The following SYNJ1 variants were observed in gnomAD, a reference collection of about 807,000 sequenced individuals.
The protein encoded by SYNJ1 is synaptojanin 1, also known as polyphosphatidylinositol phosphatase SYNJ1.
Under a neutral mutation model 168.2 loss-of-function variants are expected in SYNJ1, and 78 were observed. The ratio of observed to expected loss-of-function variants is 0.46; its 90% CI spans 0.39 to 0.56. The LOEUF (loss-of-function observed/expected upper bound fraction) is 0.56. Among genes scored for constraint, SYNJ1 ranks in the 20% least tolerant of loss-of-function variants. The pLI is 0.00. For synonymous variants in SYNJ1, 539 were observed against 548.6 expected (o/e 0.98, Z 0.24); for missense variants, 1,303 against 1,597.6 (o/e 0.82, Z 3.14).
rs915194231 is a variant in SYNJ1 at position 32,675,327 on chromosome 21, AAT to A, written c.1534+1003_1534+1004del. 1.3e-3 allele frequency among the ~76,000 whole-genome samples: 204 copies of A among 152,302 alleles called. 1 individual carries two copies. The highest frequency in any genetic ancestry group is 4.0e-4 in the Non-Finnish European group (27 of 68,018). ...TTTTAAATGAAATAAAAAGATAAAA[AAT>A]AGTCCTAGTTTATTCTTAACTGGTG... On this transcript the variant is annotated intron_variant, in intron 13 of 32. Transcript: ENST00000674351.
At chr21:32,722,205 A>AT (rs1555913162) in intron 2 of SYNJ1, among the ~76,000 whole-genome samples, 3,582 of 65,240 alleles carry the variant, frequency 0.055, 67 homozygotes, top group East Asian at 0.087. Context: ...AAAAAAAAAA[A>AT]ATATATATAT....
intron 10 of SYNJ1, among the ~76,000 whole-genome samples, 158 bp from the exon 11 acceptor site, chr21:32,681,806 C>T (rs1027774332): frequency 1.3e-5 from 2 of 152,042 alleles, no homozygotes; most frequent in Admixed American, 6.6e-5. Context: ...AGTTATTTCC[C>T]ATCATTTCAA....
rs749212329 is a variant in SYNJ1, at chr21:32,701,995, T to C, written c.177A>G (p.Ala59=). The C allele has an allele frequency of 9.5e-6, 15 of 1,578,608 alleles. No individual in the cohort carries two copies. The highest frequency in any genetic ancestry group is 1.3e-5 in the Non-Finnish European group (15 of 1,156,214). Residue 59 remains alanine (A), a synonymous_variant, in exon 3 of 33, where the codon GCA becomes GCG. Transcript: ENST00000674351. ...ACCGCAGAACACCTAAGAGTCCATA[T>C]GCATCCAGTACTTTGGAGTATGTAC... is the stretch of plus-strand genomic sequence containing the variant. ...IKGTYSKVLD[A]YGLLGVLRLN...
In SYNJ1 at chr21:32,688,041, T is replaced by C. The variant is rs1023701464; in HGVS notation, c.851+265A>G. Among the ~76,000 whole-genome samples, 17 of 151,974 alleles carry C rather than the reference T, an allele frequency of 1.1e-4. 1 individual carries two copies. Among genetic ancestry groups the C allele is most frequent in the Non-Finnish European group, 2.9e-5 (2 of 68,010 alleles). ...CAACTGAGACTAGTCACATTTCAAG[T>C]GCCCAGTAGCTACATGTGGCTAGTG... On this transcript the variant is annotated intron_variant, in intron 7 of 32. Coordinates refer to ENST00000674351, the MANE Select transcript of SYNJ1 (RefSeq NM_203446.3).
intron 32 of SYNJ1, among the ~76,000 whole-genome samples, chr21:32,633,533 G>A (rs1160063577): frequency 1.3e-5 from 2 of 151,564 alleles, no homozygotes; most frequent in Non-Finnish European, 2.9e-5. Context: ...GATACGATAG[G>A]GCAAAAAAAA....
intron 11 of SYNJ1, 122 bp from the exon 12 acceptor site, chr21:32,678,923 C>T (rs896574026): frequency 7.5e-6 from 10 of 1,325,234 alleles, no homozygotes; most frequent in African/African-American, 4.5e-5. Context: ...AGGACCTAAT[C>T]GTTCTATTTT....
intron 18 of SYNJ1, among the ~76,000 whole-genome samples, chr21:32,661,158 A>C (rs2040684771): frequency 6.6e-6 from 1 of 152,236 alleles, no homozygotes; most frequent in Admixed American, 6.5e-5. Flanking sequence ...CCACAGTCGT[A>C]CTGGCCATGC....
chr21:32,695,017 T>C, intron 5 of SYNJ1, 40 bp downstream of exon 5: 2 of 1,540,772 alleles, frequency 1.3e-6, no homozygotes, highest in Non-Finnish European at 1.8e-6. Flanking sequence ...GTGCTTCTCC[T>C]ATAATAAATT....
rs2040226299 is a variant in SYNJ1 at position 32,650,261 on chromosome 21, C to T, written c.2960G>A (p.Ser987Asn). 2 of 1,613,990 alleles carry T rather than the reference C, an allele frequency of 1.2e-6. No individual in the cohort carries two copies. The highest frequency in any genetic ancestry group is 1.7e-6 in the Non-Finnish European group (2 of 1,179,982). ...GCTTGTTGATGATGGCAATGCAATG[C>T]TAATTTTCTCTAAACTCATTTCTTC... The part of the protein sequence containing the change: ...LEEEMSLEKI[S>N]IALPSSTSST... Residue 987 changes from serine to asparagine, a missense_variant, in exon 23 of 33, where the codon AGC becomes AAC. Ser to Asn is a conservative substitution (Grantham distance 46). Transcript: ENST00000674351.
At chr21:32,683,486 T>C (rs1246510993) in intron 10 of SYNJ1, among the ~76,000 whole-genome samples, 2 of 152,006 alleles carry the variant, frequency 1.3e-5, no homozygotes, top group Non-Finnish European at 2.9e-5. Flanking sequence ...CAAACTGGAT[T>C]GGTATCAGAG....
rs760863434 is a variant in SYNJ1, at chr21:32,650,229, G to A, written c.2992C>T (p.Leu998=). 1.2e-6 allele frequency: 2 copies of A among 1,613,614 alleles called. No homozygotes were observed. Among genetic ancestry groups the A allele is most frequent in the South Asian group, 1.1e-5 (1 of 90,924 alleles). ...IALPSSTSST[L]LGEDAEVAAD... ...GCAACCTCTGCATCTTCACCAAGCAGGGTAGAGCTTGTTGATGATGGCAAT... is the reference window on the plus strand; with the variant it reads ...GCAACCTCTGCATCTTCACCAAGCAAGGTAGAGCTTGTTGATGATGGCAAT... Residue 998 remains leucine (L), a synonymous_variant, in exon 23 of 33, where the codon CTG becomes TTG. Coordinates refer to ENST00000674351, the MANE Select transcript of SYNJ1 (RefSeq NM_203446.3).
At chr21:32,645,840 A>G (rs900649640) in intron 24 of SYNJ1, 51 bp from the exon 25 acceptor site, 6 of 1,518,466 alleles carry the variant, frequency 4.0e-6, no homozygotes, top group Non-Finnish European at 5.3e-6. Flanking sequence ...AGCTGTTGAC[A>G]GAAGGGAACA....
At chr21:32,643,599 A>G (rs913811481) in intron 26 of SYNJ1, 142 bp from the exon 27 acceptor site, 2 of 804,702 alleles carry the variant, frequency 2.5e-6, no homozygotes, top group Non-Finnish European at 4.0e-6. Flanking sequence ...CAAAGATATC[A>G]ATACAAACCA....
In SYNJ1 at chr21:32,678,767, A is replaced by G. The variant is rs933698106; in HGVS notation, c.1388T>C (p.Ile463Thr). 4 of 1,613,248 alleles carry G rather than the reference A, an allele frequency of 2.5e-6. No individual in the cohort carries two copies. The highest frequency in any genetic ancestry group is 1.7e-5 in the Admixed American group (1 of 59,788). Residue 463 changes from isoleucine (I) to threonine (T), a missense_variant, in exon 12 of 33, where the codon ATT (isoleucine) becomes ACT (threonine). By Grantham distance (89) the Ile-to-Thr change is moderately conservative. Transcript: ENST00000674351. ...KDGARSVTRT[I>T]QNNFFDSSKQ... ...GGAGCTGTCAAAGAAGTTATTCTGA[A>G]TTGTTCGGGTAACAGAGCGAGCACC...
intron 30 of SYNJ1, among the ~76,000 whole-genome samples, 171 bp downstream of exon 30, chr21:32,639,500 T>A (rs2039732691): frequency 6.6e-6 from 1 of 152,140 alleles, no homozygotes; most frequent in Admixed American, 6.5e-5. Context: ...CAAGTGATCC[T>A]CCCACCTTAG....
rs775990093 is a variant in SYNJ1, at chr21:32,641,938, T to A, written c.3546A>T (p.Gly1182=). The change falls in exon 29 of 33, where the codon GGA becomes GGT. Residue 1182 remains glycine, a synonymous_variant. Transcript: ENST00000674351. ...IGRSQPSPQA[G]LAGPGPAGYS... is the part of the protein sequence containing the mutation. ...ATCCAGCAGGTCCTGGGCCTGCAAG[T>A]CCTGCTTGAGGTGAAGGCTGACTGC... 1 of 1,613,980 alleles carries A rather than the reference T, an allele frequency of 6.2e-7. No individual in the cohort carries two copies. The highest frequency in any genetic ancestry group is 1.1e-5 in the South Asian group (1 of 91,058).
chr21:32,650,443 A>AC, intron 22 of SYNJ1, 97 bp from the exon 23 acceptor site: 1 of 1,034,336 alleles, frequency 9.7e-7, no homozygotes, highest in Non-Finnish European at 1.4e-6. Context: ...AATGGTATAG[A>AC]CAGTTAATTT....
At chr21:32,707,534 A>G (rs1002657676) in intron 2 of SYNJ1, among the ~76,000 whole-genome samples, 2 of 151,888 alleles carry the variant, frequency 1.3e-5, no homozygotes. Flanking sequence ...GGGTCTTTCT[A>G]TGTTGCCCAG....
chr21:32,676,376 A>C (rs372221100), intron 12 of SYNJ1, 21 bp from the exon 13 acceptor site: 1 of 1,605,640 alleles, frequency 6.2e-7, no homozygotes, highest in Non-Finnish European at 8.5e-7. Context: ...AACAAGAAGA[A>C]AACAAAGAAT....
Sources: allele counts gnomAD v4.1 joint callset (sites outside exome capture counted in the v4.1 genomes callset), GRCh38; gene constraint gnomAD v4.1.1; transcripts MANE v1.5; gene names NCBI Gene and HGNC (gene_info 2026-07-23, HGNC 2026-07-21).